Variants in TMEM132D observed in about 807,000 individuals in gnomAD.
The protein encoded by TMEM132D is transmembrane protein 132D, also known as mature OL transmembrane protein.
A neutral mutation model predicts 62.3 loss-of-function variants in TMEM132D; 21 were observed. That is an observed-to-expected ratio of 0.34 (90% CI 0.24 to 0.49). TMEM132D has a LOEUF of 0.49. Among genes scored for constraint, TMEM132D ranks in the 20% least tolerant of loss-of-function variants. TMEM132D has a pLI of 0.99. For missense variants in TMEM132D, 1,346 were observed against 1,402.8 expected (o/e 0.96, Z 0.65); for synonymous variants, 621 against 575.6 (o/e 1.08, Z -1.13).
intron 4 of TMEM132D, among the ~76,000 whole-genome samples, chr12:129,219,059 G>A (rs1161893999): frequency 1.3e-5 from 2 of 152,216 alleles, no homozygotes; most frequent in Admixed American, 6.5e-5. Context: ...AAACCCTGGA[G>A]CAAAACATGG....
intron 2 of TMEM132D, among the ~76,000 whole-genome samples, chr12:129,542,943 G>T (rs1020743063): frequency 6.6e-6 from 1 of 151,836 alleles, no homozygotes; most frequent in Non-Finnish European, 1.5e-5. Context: ...AGAGCAATAG[G>T]CTATACCATA....
chr12:129,198,680 G>A (rs1398452519), intron 5 of TMEM132D, among the ~76,000 whole-genome samples: 1 of 152,146 alleles, frequency 6.6e-6, no homozygotes. Context: ...GCTTCAGTTA[G>A]CCAGAAAGAA....
At chr12:129,623,700 TATAC>T (rs66585503) in intron 2 of TMEM132D, among the ~76,000 whole-genome samples, 2,928 of 146,574 alleles carry the variant, frequency 0.02, 107 homozygotes, top group African/African-American at 0.071. Flanking sequence ...TATACATATA[TATAC>T]ATACATATGC....
chr12:129,317,112 A>G (rs1335042531), intron 4 of TMEM132D, among the ~76,000 whole-genome samples: 4 of 152,004 alleles, frequency 2.6e-5, no homozygotes, highest in Non-Finnish European at 4.4e-5. Context: ...AGCATTTAGG[A>G]CATTTATATT....
At chr12:129,378,803 T>TA (rs1870855188) in intron 3 of TMEM132D, among the ~76,000 whole-genome samples, 1 of 152,218 alleles carries the variant, frequency 6.6e-6, no homozygotes, top group African/African-American at 2.4e-5. Flanking sequence ...CAATGGGGAC[T>TA]TAGATTCCAT....
At chr12:129,279,013 G>A (rs1012643058) in intron 4 of TMEM132D, among the ~76,000 whole-genome samples, 6 of 152,108 alleles carry the variant, frequency 3.9e-5, no homozygotes, top group East Asian at 1.9e-4. Flanking sequence ...GATTCCAGCC[G>A]GTGTGGCAGT....
rs1001170804 is a variant in TMEM132D, at chr12:129,073,804, G to A, written c.*71C>T. The A allele has an allele frequency of 1.5e-6, 2 of 1,315,818 alleles. No individual in the cohort carries two copies. Among genetic ancestry groups the A allele is most frequent in the South Asian group, 1.5e-5 (1 of 68,630 alleles). 81.5% of individuals were successfully genotyped at this position (1,315,818 alleles called of 1,614,324 possible). ...CTGCTGCTTTGTTTCTCTTCCGGGG[G>A]CACCGTTGCTACACATCCTGGAATT... On this transcript the variant is annotated 3_prime_UTR_variant, in exon 9 of 9. Transcript: ENST00000422113.
chr12:129,416,735 G>C (rs1244255880), intron 3 of TMEM132D, among the ~76,000 whole-genome samples: 1 of 152,126 alleles, frequency 6.6e-6, no homozygotes, highest in African/African-American at 2.4e-5. Flanking sequence ...CTAGTTTAAT[G>C]AGTATTTTTA....
rs761892015 is a variant in TMEM132D, at chr12:129,524,920, C to CTTTTTTTTTTTTTTTTTTTTTTTTTTTTT, written c.1115+6138_1115+6139insAAAAAAAAAAAAAAAAAAAAAAAAAAAAA. Reference sequence around the variant, plus strand: ...CATTTTATTATTTTCATATTTTTTTCTTTTTTCTTTTTTTTTTTTTTTTTG... The same window carrying CTTTTTTTTTTTTTTTTTTTTTTTTTTTTT: ...CATTTTATTATTTTCATATTTTTTTCTTTTTTTTTTTTTTTTTTTTTTTTTTTTTTTTTTTCTTTTTTTTTTTTTTTTTG... On this transcript the variant is annotated intron_variant, in intron 3 of 8. Coordinates refer to ENST00000422113, the MANE Select transcript of TMEM132D (RefSeq NM_133448.3). Among the ~76,000 whole-genome samples the CTTTTTTTTTTTTTTTTTTTTTTTTTTTTT allele has an allele frequency of 2.2e-5, 2 of 92,170 alleles. 1 individual carries two copies. Among genetic ancestry groups the CTTTTTTTTTTTTTTTTTTTTTTTTTTTTT allele is most frequent in the Admixed American group, 3.4e-4 (2 of 5,810 alleles). 60.5% of individuals were successfully genotyped at this position (92,170 alleles called of 152,430 possible).
intron 4 of TMEM132D, among the ~76,000 whole-genome samples, chr12:129,288,197 G>A (rs1392958641): frequency 5.9e-5 from 9 of 152,164 alleles, no homozygotes. Context: ...TCATAAATAT[G>A]ACACCAAAAG....
At chr12:129,879,875 G>A (rs185307624) in intron 1 of TMEM132D, among the ~76,000 whole-genome samples, 1 of 152,150 alleles carries the variant, frequency 6.6e-6, no homozygotes, top group African/African-American at 2.4e-5. Flanking sequence ...GACCCTCTGA[G>A]GCAATATGAA....
At chr12:129,612,527 G>A (rs746295297) in intron 2 of TMEM132D, among the ~76,000 whole-genome samples, 1 of 152,170 alleles carries the variant, frequency 6.6e-6, no homozygotes, top group Non-Finnish European at 1.5e-5. Context: ...TAGTAACGTA[G>A]TAGACTTACT....
intron 4 of TMEM132D, among the ~76,000 whole-genome samples, chr12:129,243,068 G>A (rs1346618656): frequency 6.6e-6 from 1 of 152,210 alleles, no homozygotes. Flanking sequence ...TTAAAAACCA[G>A]TGGTTGGAGT....
chr12:129,776,983 T>C (rs1870955831), intron 1 of TMEM132D, among the ~76,000 whole-genome samples: 1 of 152,214 alleles, frequency 6.6e-6, no homozygotes. Flanking sequence ...ATGTGTTCTT[T>C]TTTATTAACA....
chr12:129,716,806 G>C (rs264476), intron 1 of TMEM132D, among the ~76,000 whole-genome samples: 1 of 152,220 alleles, frequency 6.6e-6, no homozygotes, highest in South Asian at 2.1e-4. Context: ...AAAAAATGTG[G>C]GTTGGGTTAA....
At chr12:129,333,593 T>C (rs1869183176) in intron 4 of TMEM132D, among the ~76,000 whole-genome samples, 1 of 152,180 alleles carries the variant, frequency 6.6e-6, no homozygotes, top group Non-Finnish European at 1.5e-5. Flanking sequence ...ACTGCTATTA[T>C]CTCAGCCAGG....
intron 5 of TMEM132D, among the ~76,000 whole-genome samples, chr12:129,134,909 C>T (rs1876512692): frequency 6.6e-6 from 1 of 152,250 alleles, no homozygotes; most frequent in South Asian, 2.1e-4. Context: ...GGCCAATCAT[C>T]ATGCCCAGCA....
chr12:129,792,130 C>T lies in TMEM132D; in HGVS notation c.80-91432G>A, dbSNP rs1275874119. 2.0e-5 allele frequency among the ~76,000 whole-genome samples: 3 copies of T among 152,162 alleles called. 1 individual carries two copies. The highest frequency in any genetic ancestry group is 1.3e-4 in the Admixed American group (2 of 15,272). On this transcript the variant is annotated intron_variant, in intron 1 of 8. Coordinates refer to ENST00000422113, the MANE Select transcript of TMEM132D (RefSeq NM_133448.3). ...AGCAAGAGAGATACATGACTGATTC[C>T]GGGAGGGACTGAACATCCCACTGTC...
chr12:129,640,650 T>G (rs948598143), intron 2 of TMEM132D, among the ~76,000 whole-genome samples: 3 of 151,930 alleles, frequency 2.0e-5, no homozygotes, highest in African/African-American at 7.3e-5. Flanking sequence ...TATATCCACT[T>G]CCCCCACTGT....
Sources: gnomAD v4.1 joint callset for allele counts (sites outside exome capture counted in the v4.1 genomes callset) on GRCh38, gnomAD v4.1.1 for gene constraint, MANE v1.5 for transcripts, NCBI Gene and HGNC (gene_info 2026-07-23, HGNC 2026-07-21) for gene names.